The following GRM7 variants were observed in gnomAD, a reference collection of about 807,000 sequenced individuals.
GRM7 encodes glutamate metabotropic receptor 7, also known as metabotropic glutamate receptor 7.
Under a neutral mutation model 84.5 loss-of-function variants are expected in GRM7, and 35 were observed. The observed-to-expected ratio is 0.41, with a 90% CI of 0.32 to 0.55. GRM7 has a LOEUF of 0.55. Ranked by LOEUF, GRM7 falls within the 20% of genes least tolerant of loss-of-function variation. GRM7 has a pLI of 0.19. For synonymous variants in GRM7, 487 were observed against 455.1 expected, an observed-to-expected ratio of 1.07 and a Z score of -0.89; for missense variants, 1,003 against 1,194.6, an observed-to-expected ratio of 0.84 and a Z score of 2.36.
At chr3:7,642,659 A>C (rs190523480) in intron 8 of GRM7, among the ~76,000 whole-genome samples, 1 of 152,278 alleles carries the variant, frequency 6.6e-6, no homozygotes, top group Non-Finnish European at 1.5e-5. Flanking sequence ...TGAAGTATCA[A>C]AGTACTTTTG....
intron 5 of GRM7, among the ~76,000 whole-genome samples, chr3:7,429,019 T>A (rs1372509281): frequency 6.6e-6 from 1 of 152,176 alleles, no homozygotes; most frequent in African/African-American, 2.4e-5. Context: ...GGGATGCATT[T>A]CTAGAAGTTG....
At chr3:6,894,554 G>GGTGTATATATATACATATGTGTGTATAT in intron 1 of GRM7, among the ~76,000 whole-genome samples, 1 of 151,710 alleles carries the variant, frequency 6.6e-6, no homozygotes, top group South Asian at 2.1e-4. Context: ...CATCTCTATA[G>GGTGTATATATATACATATGTGTGTATAT]GTGTATATAT....
At chr3:7,133,893 C>A (rs1370302393) in intron 1 of GRM7, among the ~76,000 whole-genome samples, 3 of 152,024 alleles carry the variant, frequency 2.0e-5, no homozygotes, top group African/African-American at 7.2e-5. Context: ...TTCTGGGATA[C>A]CACGTTGGGA....
intron 2 of GRM7, among the ~76,000 whole-genome samples, chr3:7,243,717 A>G (rs1218441108): frequency 6.6e-6 from 1 of 152,086 alleles, no homozygotes; most frequent in African/African-American, 2.4e-5. Context: ...ATTCTAAGAG[A>G]CACATCATTA....
At chr3:7,132,177 C>A (rs943926886) in intron 1 of GRM7, among the ~76,000 whole-genome samples, 1 of 151,942 alleles carries the variant, frequency 6.6e-6, no homozygotes, top group Non-Finnish European at 1.5e-5. Context: ...AGACTGGTGC[C>A]CCCCCAACAA....
At chr3:7,128,489 T>A (rs1693477232) in intron 1 of GRM7, among the ~76,000 whole-genome samples, 1 of 136,276 alleles carries the variant, frequency 7.3e-6, no homozygotes, top group African/African-American at 3.3e-5. Flanking sequence ...CAGAAAAATT[T>A]TAAAAATCAG....
chr3:7,317,813 G>A (rs1017911027), intron 4 of GRM7, among the ~76,000 whole-genome samples: 8 of 151,896 alleles, frequency 5.3e-5, no homozygotes, highest in Admixed American at 2.0e-4. Flanking sequence ...AAAGACTGCT[G>A]TCAAGAAGAA....
At chr3:7,259,869 T>C (rs751994145) in intron 2 of GRM7, among the ~76,000 whole-genome samples, 2 of 151,818 alleles carry the variant, frequency 1.3e-5, no homozygotes, top group African/African-American at 4.8e-5. Flanking sequence ...ATCGCCACAC[T>C]GCGTTCCACA....
At chr3:6,993,434 G>A (rs1024395283) in intron 1 of GRM7, among the ~76,000 whole-genome samples, 1 of 152,144 alleles carries the variant, frequency 6.6e-6, no homozygotes, top group Admixed American at 6.5e-5. Context: ...CTGAGAAAAA[G>A]CAAAGAAGTG....
At chr3:7,599,667 A>G (rs1470143811) in intron 8 of GRM7, among the ~76,000 whole-genome samples, 1 of 152,182 alleles carries the variant, frequency 6.6e-6, no homozygotes, top group East Asian at 1.9e-4. Flanking sequence ...AGTATTTTAC[A>G]GCTTTATTAC....
chr3:7,115,487 A>T (rs923311917), intron 1 of GRM7, among the ~76,000 whole-genome samples: 9 of 152,164 alleles, frequency 5.9e-5, no homozygotes, highest in Non-Finnish European at 1.2e-4. Flanking sequence ...AATGAGATAG[A>T]TATATAGATA....
At chr3:7,552,663 C>T (rs1027496116) in intron 7 of GRM7, among the ~76,000 whole-genome samples, 2 of 152,212 alleles carry the variant, frequency 1.3e-5, no homozygotes, top group Non-Finnish European at 2.9e-5. Context: ...CTTGCACCCT[C>T]TGAAGCAGCA....
chr3:7,164,497 C>T (rs1354316247), intron 2 of GRM7, among the ~76,000 whole-genome samples: 2 of 152,188 alleles, frequency 1.3e-5, no homozygotes, highest in African/African-American at 2.4e-5. Flanking sequence ...TCACTCATAC[C>T]TTGAACCATC....
At chr3:7,039,928 A>G (rs754483985) in intron 1 of GRM7, among the ~76,000 whole-genome samples, 4 of 152,196 alleles carry the variant, frequency 2.6e-5, no homozygotes, top group Non-Finnish European at 5.9e-5. Context: ...AAGGCATTTT[A>G]AAAATGATGA....
chr3:7,698,576 G>GTGTT (rs1701109923), intron 9 of GRM7, among the ~76,000 whole-genome samples: 1 of 152,182 alleles, frequency 6.6e-6, no homozygotes, highest in Admixed American at 6.5e-5. Context: ...AATACATGGT[G>GTGTT]TGTTTGTGGA....
intron 1 of GRM7, among the ~76,000 whole-genome samples, chr3:6,889,475 A>G (rs948254231): frequency 6.6e-6 from 1 of 151,642 alleles, no homozygotes; most frequent in Non-Finnish European, 1.5e-5. Flanking sequence ...CCTTTTCTGC[A>G]TCTATTGAGA....
intron 4 of GRM7, among the ~76,000 whole-genome samples, chr3:7,368,280 T>C (rs1474675699): frequency 6.6e-6 from 1 of 152,042 alleles, no homozygotes; most frequent in Non-Finnish European, 1.5e-5. Flanking sequence ...ATGAAGGCAA[T>C]TTTAAAAACT....
chr3:7,162,259 G>A (rs561778751), intron 2 of GRM7, among the ~76,000 whole-genome samples: 13 of 152,280 alleles, frequency 8.5e-5, no homozygotes, highest in African/African-American at 2.9e-4. Flanking sequence ...GAGATGGGAA[G>A]CGATTACTTC....
intron 1 of GRM7, among the ~76,000 whole-genome samples, chr3:7,141,312 T>A (rs1000272059): frequency 3.9e-5 from 6 of 151,922 alleles, no homozygotes; most frequent in African/African-American, 9.7e-5. Context: ...AATAAAGAGA[T>A]AACAAAATGA....
Sources: gnomAD v4.1 joint callset for allele counts (sites outside exome capture counted in the v4.1 genomes callset) on GRCh38, gnomAD v4.1.1 for gene constraint, MANE v1.5 for transcripts, NCBI Gene and HGNC (gene_info 2026-07-23, HGNC 2026-07-21) for gene names.